ADGRG7: variants seen among roughly 807,000 people sequenced by gnomAD.
ADGRG7 encodes adhesion G protein-coupled receptor G7, also known as G-protein coupled receptor 128.
ADGRG7 carries 82 observed loss-of-function variants against 88.6 expected under a neutral mutation model. The ratio of observed to expected loss-of-function variants is 0.93; its 90% CI spans 0.77 to 1.11. ADGRG7 has a LOEUF of 1.11. Among genes scored for constraint, ADGRG7 ranks in the 50% most tolerant of loss-of-function variants. The pLI is 0.00. For missense variants in ADGRG7, 945 were observed against 953.4 expected, an observed-to-expected ratio of 0.99 and a Z score of 0.12; for synonymous variants, 381 against 345.2, an observed-to-expected ratio of 1.10 and a Z score of -1.15.
At chr3:100,677,916 T>C (rs1400774068) in intron 15 of ADGRG7, among the ~76,000 whole-genome samples, 1 of 152,154 alleles carries the variant, frequency 6.6e-6, no homozygotes, top group Non-Finnish European at 1.5e-5. Context: ...TGGGGTCTAA[T>C]CTGCTTGGTG....
At chr3:100,656,487 C>T (rs750078658) in intron 13 of ADGRG7, among the ~76,000 whole-genome samples, 1 of 152,178 alleles carries the variant, frequency 6.6e-6, no homozygotes, top group Admixed American at 6.5e-5. Flanking sequence ...ATTTATCATA[C>T]ATAACAAATT....
intron 1 of ADGRG7, among the ~76,000 whole-genome samples, chr3:100,612,000 A>G (rs1707161192): frequency 6.6e-6 from 1 of 152,176 alleles, no homozygotes; most frequent in African/African-American, 2.4e-5. Flanking sequence ...GAGGTCACAC[A>G]TATCTCTGAG....
chr3:100,688,132 C>G (rs1210824701), intron 15 of ADGRG7, among the ~76,000 whole-genome samples: 1 of 152,144 alleles, frequency 6.6e-6, no homozygotes, highest in South Asian at 2.1e-4. Context: ...AGGAATTTAT[C>G]CATTTCTTCT....
intron 15 of ADGRG7, among the ~76,000 whole-genome samples, chr3:100,692,328 G>C (rs1240806914): frequency 6.6e-6 from 1 of 152,240 alleles, no homozygotes; most frequent in East Asian, 1.9e-4. Context: ...ATGATTGTCA[G>C]TATCAAATGG....
intron 15 of ADGRG7, among the ~76,000 whole-genome samples, chr3:100,679,306 G>T (rs1165398817): frequency 1.3e-5 from 2 of 152,172 alleles, no homozygotes; most frequent in African/African-American, 4.8e-5. Flanking sequence ...AAGCCCAAAG[G>T]CTCTTCAGTC....
Position 100,648,055 on chromosome 3 carries a change from C to T in ADGRG7, c.1266+1331C>T, listed in dbSNP as rs150449491. The stretch of plus-strand genomic sequence containing the variant: ...TGTATTACAGAGAGATCTGCCTTCT[C>T]AATCAGGAGATACAGGAGAAAAATT... On this transcript the variant is annotated intron_variant, in intron 10 of 15. Coordinates refer to ENST00000273352, the MANE Select transcript of ADGRG7 (RefSeq NM_032787.3). Among the ~76,000 whole-genome samples the T allele has an allele frequency of 3.5e-3, 529 of 152,290 alleles. 5 individuals carry two copies. The highest frequency in any genetic ancestry group is 5.1e-3 in the Non-Finnish European group (350 of 68,008).
At chr3:100,674,170 C>G (rs113464013) in intron 15 of ADGRG7, among the ~76,000 whole-genome samples, 4 of 152,152 alleles carry the variant, frequency 2.6e-5, no homozygotes, top group Non-Finnish European at 5.9e-5. Flanking sequence ...TATGCCAGTA[C>G]TATGCTGTTT....
At chr3:100,653,202 T>C (rs1444601869) in intron 11 of ADGRG7, among the ~76,000 whole-genome samples, 1 of 152,202 alleles carries the variant, frequency 6.6e-6, no homozygotes, top group Non-Finnish European at 1.5e-5. Flanking sequence ...TTATAAAGAA[T>C]AGCATCAGTA....
intron 1 of ADGRG7, among the ~76,000 whole-genome samples, chr3:100,616,992 A>G (rs2149011532): frequency 6.6e-6 from 1 of 152,328 alleles, no homozygotes; most frequent in South Asian, 2.1e-4. Context: ...AACAGGGTCT[A>G]TGAGACATTT....
chr3:100,642,663 C>T (rs1707663002), intron 6 of ADGRG7, among the ~76,000 whole-genome samples: 1 of 152,112 alleles, frequency 6.6e-6, no homozygotes, highest in African/African-American at 2.4e-5. Context: ...TGACAGGTTG[C>T]CCCCACTCCC....
At position 100,669,016 on chromosome 3, in the gene ADGRG7, A is replaced by G. The variant is rs761859675; in HGVS notation, c.2047A>G (p.Thr683Ala). Reference sequence around the variant, plus strand: ...ATCTGTTGCAGTTGTTTTTGGAATTACCTGGATTCTAGCATACCTGATGCT... The same window carrying G: ...ATCTGTTGCAGTTGTTTTTGGAATTGCCTGGATTCTAGCATACCTGATGCT... ...TLSVAVVFGITWILAYLMLVN... is the reference protein window; with the variant it reads ...TLSVAVVFGIAWILAYLMLVN... Residue 683 changes from threonine (T) to alanine (A), a missense_variant, in exon 15 of 16, where the codon ACC becomes GCC. Physicochemically the swap from Thr to Ala is moderately conservative, Grantham distance 58. Coordinates refer to ENST00000273352, the MANE Select transcript of ADGRG7 (RefSeq NM_032787.3). 6.8e-6 allele frequency: 11 copies of G among 1,606,992 alleles called. No homozygotes were observed. The highest frequency in any genetic ancestry group is 2.3e-5 in the South Asian group (2 of 88,828).
At chr3:100,646,490 CTG>C in intron 9 of ADGRG7, 77 bp from the exon 10 acceptor site, 1 of 1,084,330 alleles carries the variant, frequency 9.2e-7, no homozygotes, top group Non-Finnish European at 1.4e-6. Context: ...TCTCAGATGA[CTG>C]TCTTATACTA....
intron 1 of ADGRG7, among the ~76,000 whole-genome samples, chr3:100,625,392 T>C (rs1352837062): frequency 6.6e-6 from 1 of 152,346 alleles, no homozygotes; most frequent in Non-Finnish European, 1.5e-5. Context: ...TTTTGTATCC[T>C]GAGACTTAGC....
intron 11 of ADGRG7, 73 bp downstream of exon 11, chr3:100,649,880 G>A: frequency 2.4e-6 from 2 of 835,092 alleles, no homozygotes; most frequent in South Asian, 1.6e-5. Flanking sequence ...GAATTCTCAT[G>A]AGTAGTGTCT....
At chr3:100,614,764 G>A (rs1029470139) in intron 1 of ADGRG7, among the ~76,000 whole-genome samples, 4 of 152,066 alleles carry the variant, frequency 2.6e-5, no homozygotes, top group Non-Finnish European at 4.4e-5. Flanking sequence ...TTTTGTCTAG[G>A]AGAAGAAATT....
At chr3:100,665,840 A>G (rs2094951016) in intron 14 of ADGRG7, among the ~76,000 whole-genome samples, 2 of 152,334 alleles carry the variant, frequency 1.3e-5, no homozygotes, top group South Asian at 2.1e-4. Flanking sequence ...TTGATAGACT[A>G]TGGTTCATAA....
At chr3:100,685,592 T>C (rs1576339950) in intron 15 of ADGRG7, among the ~76,000 whole-genome samples, 1 of 152,198 alleles carries the variant, frequency 6.6e-6, no homozygotes, top group East Asian at 1.9e-4. Flanking sequence ...TTCTCATTGT[T>C]CAATTCCCAC....
intron 1 of ADGRG7, among the ~76,000 whole-genome samples, chr3:100,625,436 C>T (rs183859608): frequency 1.5e-4 from 23 of 152,262 alleles, no homozygotes; most frequent in Admixed American, 1.4e-3. Context: ...AGTTTTGGGG[C>T]TGAGACGATG....
intron 1 of ADGRG7, among the ~76,000 whole-genome samples, chr3:100,623,556 T>G (rs1026066403): frequency 6.6e-6 from 1 of 152,214 alleles, no homozygotes; most frequent in African/African-American, 2.4e-5. Flanking sequence ...TATTTTACTT[T>G]AAGTTGCAGG....
Sources: gnomAD v4.1 joint callset for allele counts (sites outside exome capture counted in the v4.1 genomes callset) on GRCh38, gnomAD v4.1.1 for gene constraint, MANE v1.5 for transcripts, NCBI Gene and HGNC (gene_info 2026-07-23, HGNC 2026-07-21) for gene names.